The following TTC28 variants were observed in gnomAD, a reference collection of about 807,000 sequenced individuals.
TTC28 encodes tetratricopeptide repeat protein 28.
Under a neutral mutation model 198.0 loss-of-function variants are expected in TTC28, and 61 were observed. The ratio of observed to expected loss-of-function variants is 0.31; its 90% CI spans 0.25 to 0.38. The LOEUF is 0.38. TTC28 is among the 10% of genes least tolerant of loss of function. TTC28 has a pLI of 1.00. For missense variants in TTC28, 2,678 were observed against 3,164.0 expected, an observed-to-expected ratio of 0.85 and a Z score of 3.69; for synonymous variants, 1,171 against 1,297.8, an observed-to-expected ratio of 0.90 and a Z score of 2.10.
intron 2 of TTC28, among the ~76,000 whole-genome samples, chr22:28,421,843 G>A (rs1048811610): frequency 3.9e-4 from 59 of 151,592 alleles, no homozygotes; most frequent in African/African-American, 1.4e-3. Flanking sequence ...GCTGAGGCAG[G>A]AGAATCACCT....
chr22:28,421,225 C>T (rs1376525443), intron 2 of TTC28, among the ~76,000 whole-genome samples: 1 of 152,146 alleles, frequency 6.6e-6, no homozygotes, highest in African/African-American at 2.4e-5. Flanking sequence ...GTACCCAATT[C>T]TGTTCTATCT....
At chr22:28,003,406 A>C (rs1165106995) in intron 14 of TTC28, among the ~76,000 whole-genome samples, 1 of 152,150 alleles carries the variant, frequency 6.6e-6, no homozygotes, top group East Asian at 1.9e-4. Context: ...GTGGGGCTTG[A>C]GCCACCTGCC....
At chr22:28,099,872 C>T (rs901366278) in intron 9 of TTC28, among the ~76,000 whole-genome samples, 5 of 152,154 alleles carry the variant, frequency 3.3e-5, no homozygotes, top group East Asian at 1.9e-4. Flanking sequence ...CTCTGAAGGG[C>T]GATAGCTCTT....
At chr22:28,512,625 G>A (rs2146398121) in intron 2 of TTC28, among the ~76,000 whole-genome samples, 1 of 152,302 alleles carries the variant, frequency 6.6e-6, no homozygotes, top group Non-Finnish European at 1.5e-5. Flanking sequence ...GTCCTTTGCA[G>A]GGACACAGAT....
chr22:28,572,324 A>G (rs2050076688), intron 2 of TTC28, among the ~76,000 whole-genome samples: 1 of 152,232 alleles, frequency 6.6e-6, no homozygotes, highest in Admixed American at 6.5e-5. Flanking sequence ...CTGTCTAAAA[A>G]AAGAATTGCT....
intron 6 of TTC28, among the ~76,000 whole-genome samples, chr22:28,109,506 T>C (rs567664800): frequency 2.0e-5 from 3 of 152,372 alleles, no homozygotes; most frequent in East Asian, 1.9e-4. Flanking sequence ...AATTCTGCTA[T>C]ACTGCTTTTA....
intron 2 of TTC28, among the ~76,000 whole-genome samples, chr22:28,417,113 G>C (rs944510097): frequency 6.6e-6 from 1 of 151,748 alleles, no homozygotes; most frequent in Non-Finnish European, 1.5e-5. Flanking sequence ...CACTGTTGAG[G>C]CACGGTGACT....
At chr22:28,219,583 C>T (rs1927692592) in intron 5 of TTC28, among the ~76,000 whole-genome samples, 2 of 151,984 alleles carry the variant, frequency 1.3e-5, no homozygotes, top group South Asian at 4.2e-4. Context: ...AAACAAGTAG[C>T]AAAGTACTCA....
chr22:28,477,513 A>G (rs2048183056), intron 2 of TTC28, among the ~76,000 whole-genome samples: 1 of 152,198 alleles, frequency 6.6e-6, no homozygotes, highest in South Asian at 2.1e-4. Context: ...AAATACAAGG[A>G]AAAAAAGACA....
chr22:28,543,393 G>A (rs1177029444), intron 2 of TTC28, among the ~76,000 whole-genome samples: 1 of 147,678 alleles, frequency 6.8e-6, no homozygotes, highest in Non-Finnish European at 1.5e-5. Context: ...AAGAAAAGAA[G>A]ATGAAGATGA....
Position 28,302,334 on chromosome 22 carries a change from G to A in TTC28, c.529+4162C>T, listed in dbSNP as rs1458090346. Among the ~76,000 whole-genome samples, 9 of 152,198 alleles carry A rather than the reference G, an allele frequency of 5.9e-5. No homozygotes were observed. The East Asian group carries it at 1.7e-3, about 29-fold the overall frequency. On this transcript the variant is annotated intron_variant, in intron 3 of 22. Coordinates refer to ENST00000397906, the MANE Select transcript of TTC28 (RefSeq NM_001145418.2). ...TTCTCCAGTGAGTGCTCATAAAGAG[G>A]ACCTTAGGTACTACGTAGTGTTCCT...
intron 2 of TTC28, among the ~76,000 whole-genome samples, chr22:28,583,499 AAC>A (rs1245818353): frequency 6.6e-6 from 1 of 152,182 alleles, no homozygotes; most frequent in Non-Finnish European, 1.5e-5. Context: ...GTACTAAGAA[AAC>A]AACACAGTTT....
chr22:28,300,619 A>G (rs990674696), intron 3 of TTC28, among the ~76,000 whole-genome samples: 9 of 152,242 alleles, frequency 5.9e-5, no homozygotes, highest in Non-Finnish European at 1.0e-4. Flanking sequence ...AAAACATGCT[A>G]TAAGAGTTTG....
chr22:28,672,457 C>A (rs180810765), intron 1 of TTC28, among the ~76,000 whole-genome samples: 17 of 152,186 alleles, frequency 1.1e-4, no homozygotes, highest in Non-Finnish European at 2.2e-4. Context: ...TGAGCCACCG[C>A]GCCCGGCCAA....
intron 5 of TTC28, among the ~76,000 whole-genome samples, chr22:28,280,582 T>C (rs914776052): frequency 6.6e-6 from 1 of 152,048 alleles, no homozygotes; most frequent in Non-Finnish European, 1.5e-5. Flanking sequence ...ATGTGATCCA[T>C]CTGCCTCGGC....
chr22:28,640,010 A>G (rs2051337325), intron 1 of TTC28, among the ~76,000 whole-genome samples: 1 of 152,144 alleles, frequency 6.6e-6, no homozygotes. Flanking sequence ...GAAACAGAAA[A>G]ATCCTCAAAA....
chr22:28,091,000 T>C (rs1350675033), intron 12 of TTC28, among the ~76,000 whole-genome samples: 1 of 152,348 alleles, frequency 6.6e-6, no homozygotes, highest in African/African-American at 2.4e-5. Context: ...AACAAAGTGA[T>C]GCTGAGTGTC....
chr22:28,676,065 G>A lies in TTC28; in HGVS notation c.102+3557C>T, dbSNP rs530644954. On this transcript the variant is annotated intron_variant, in intron 1 of 22. Transcript: ENST00000397906. ...TCCACACTAAAATTTGTACACAAAT[G>A]TTCATAGCAGCATTATTCATAATAG... is the stretch of plus-strand genomic sequence containing the variant. 2.0e-5 allele frequency among the ~76,000 whole-genome samples: 3 copies of A among 151,998 alleles called. No homozygotes were observed. The South Asian group carries it at 6.2e-4, about 31-fold the overall frequency.
intron 2 of TTC28, among the ~76,000 whole-genome samples, chr22:28,585,105 C>T (rs2050294201): frequency 6.6e-6 from 1 of 152,232 alleles, no homozygotes; most frequent in South Asian, 2.1e-4. Flanking sequence ...TATCAGTAGT[C>T]CCCAACCTTT....
Sources: gnomAD v4.1 joint callset for allele counts (sites outside exome capture counted in the v4.1 genomes callset) on GRCh38, gnomAD v4.1.1 for gene constraint, MANE v1.5 for transcripts, NCBI Gene and HGNC (gene_info 2026-07-23, HGNC 2026-07-21) for gene names.